The following MAGI2 variants were observed in gnomAD, a reference collection of about 807,000 sequenced individuals.
MAGI2 encodes the protein membrane-associated guanylate kinase, WW and PDZ domain-containing protein 2.
In MAGI2, 35 loss-of-function variants were observed where a neutral mutation model predicts 133.3. The observed-to-expected ratio is 0.26, with a 90% CI of 0.20 to 0.35. The LOEUF (loss-of-function observed/expected upper bound fraction) is 0.35. MAGI2 is among the 10% of genes least tolerant of loss of function. The pLI is 1.00. For synonymous variants in MAGI2, 729 were observed against 710.6 expected (o/e 1.03, Z -0.41); for missense variants, 1,636 against 1,863.4 (o/e 0.88, Z 2.25).
At chr7:78,076,541 T>C (rs1398192326) in intron 21 of MAGI2, among the ~76,000 whole-genome samples, 1 of 147,646 alleles carries the variant, frequency 6.8e-6, no homozygotes. Flanking sequence ...TCTTTTTAGG[T>C]GATGTTAAGA....
At chr7:78,275,982 G>T (rs968234526) in intron 9 of MAGI2, among the ~76,000 whole-genome samples, 1 of 152,172 alleles carries the variant, frequency 6.6e-6, no homozygotes, top group Non-Finnish European at 1.5e-5. Context: ...ATCAATGACT[G>T]TTGAGGCCAT....
chr7:79,167,884 G>T (rs867127941), intron 1 of MAGI2, among the ~76,000 whole-genome samples: 6 of 152,246 alleles, frequency 3.9e-5, no homozygotes, highest in Middle Eastern at 6.8e-3. Context: ...ATGCTGGAAG[G>T]TTGTGGGTTT....
At chr7:79,337,892 C>T (rs1840559410) in intron 1 of MAGI2, among the ~76,000 whole-genome samples, 1 of 152,024 alleles carries the variant, frequency 6.6e-6, no homozygotes, top group Admixed American at 6.6e-5. Flanking sequence ...TCCGTGTATG[C>T]TTGCTTCAGC....
intron 7 of MAGI2, among the ~76,000 whole-genome samples, chr7:78,361,008 C>T (rs1792724204): frequency 1.3e-5 from 2 of 152,242 alleles, no homozygotes; most frequent in East Asian, 1.9e-4. Flanking sequence ...GGAAGTTTCC[C>T]TGCTTCTGTA....
At chr7:78,091,016 TTTTAACA>T (rs758826193) in intron 20 of MAGI2, among the ~76,000 whole-genome samples, 17 of 151,874 alleles carry the variant, frequency 1.1e-4, no homozygotes, top group Non-Finnish European at 1.8e-4. Context: ...CTTTTGTAGC[TTTTAACA>T]TCGTAGTGAC....
chr7:79,005,882 TTAAC>T (rs1172768521), intron 2 of MAGI2, among the ~76,000 whole-genome samples: 9 of 152,164 alleles, frequency 5.9e-5, no homozygotes, highest in African/African-American at 2.2e-4. Flanking sequence ...GCCTATTCAC[TTAAC>T]TAACACACAC....
At chr7:78,449,735 G>A (rs1386058060) in intron 6 of MAGI2, among the ~76,000 whole-genome samples, 2 of 151,994 alleles carry the variant, frequency 1.3e-5, no homozygotes, top group Admixed American at 1.3e-4. Flanking sequence ...TTACAATGAG[G>A]GGGCTCATTT....
intron 21 of MAGI2, among the ~76,000 whole-genome samples, chr7:78,033,019 C>T (rs967466734): frequency 1.2e-4 from 19 of 152,018 alleles, no homozygotes; most frequent in Non-Finnish European, 2.2e-4. Context: ...TTTTAAAAGG[C>T]CAAACACGGC....
chr7:78,151,711 C>T (rs1178916515), intron 16 of MAGI2, among the ~76,000 whole-genome samples: 3 of 152,216 alleles, frequency 2.0e-5, no homozygotes, highest in Non-Finnish European at 4.4e-5. Context: ...GCTTTATTAT[C>T]GTGTGATTTC....
At chr7:78,117,343 G>T (rs1180041337) in intron 20 of MAGI2, among the ~76,000 whole-genome samples, 1 of 151,666 alleles carries the variant, frequency 6.6e-6, no homozygotes, top group Non-Finnish European at 1.5e-5. Context: ...AATAAATAGG[G>T]CTCATCCCAG....
chr7:78,380,567 A>G (rs2151290496), intron 6 of MAGI2, among the ~76,000 whole-genome samples: 1 of 152,258 alleles, frequency 6.6e-6, no homozygotes, highest in East Asian at 1.9e-4. Context: ...TCATGAATAT[A>G]TAGAGTAGAA....
chr7:78,529,668 G>GTTTTTTTTTTTTTTTTTTTTTTTTTTT lies in MAGI2; in HGVS notation c.539-8050_539-8024dup, dbSNP rs554010061. On this transcript the variant is annotated intron_variant, in intron 3 of 21. Transcript: ENST00000354212. Reference sequence around the variant, plus strand: ...TTTCTTTTCCTTGCTAAAGGAGATGGTTTTTTTTTTTTTTTTTTTTTTTTT... The same window carrying GTTTTTTTTTTTTTTTTTTTTTTTTTTT: ...TTTCTTTTCCTTGCTAAAGGAGATGGTTTTTTTTTTTTTTTTTTTTTTTTTTTTTTTTTTTTTTTTTTTTTTTTTTTT... Among the ~76,000 whole-genome samples the GTTTTTTTTTTTTTTTTTTTTTTTTTTT allele has an allele frequency of 4.9e-4, 28 of 57,420 alleles. 6 individuals carry two copies. The highest frequency in any genetic ancestry group is 5.6e-4 in the Non-Finnish European group (16 of 28,726). The allele number at this position is 57,420 out of a possible 152,430, so 37.7% of individuals were successfully genotyped here. A position where few individuals can be genotyped will look rare whatever the true frequency, so the allele number is the denominator to read the frequency against.
chr7:78,176,735 C>A (rs1351963098), intron 14 of MAGI2, among the ~76,000 whole-genome samples: 2 of 152,106 alleles, frequency 1.3e-5, no homozygotes, highest in East Asian at 1.9e-4. Context: ...GTAGTCCCAG[C>A]TACTCAGGAG....
chr7:79,450,027 T>C (rs991857), intron 1 of MAGI2, among the ~76,000 whole-genome samples: 28,416 of 151,096 alleles, frequency 0.19, 2,857 homozygotes, highest in East Asian at 0.29. Flanking sequence ...AATGCAATTT[T>C]ACCTGGTGCA....
At chr7:78,088,786 T>C (rs750032219) in intron 20 of MAGI2, among the ~76,000 whole-genome samples, 5 of 152,210 alleles carry the variant, frequency 3.3e-5, no homozygotes, top group Non-Finnish European at 7.3e-5. Flanking sequence ...CATCCCCAGA[T>C]GTCCACCTCC....
chr7:78,184,958 G>A (rs748996767), intron 13 of MAGI2, among the ~76,000 whole-genome samples: 104 of 152,170 alleles, frequency 6.8e-4, no homozygotes, highest in Non-Finnish European at 1.3e-3. Flanking sequence ...TTTCTAATCC[G>A]TTCTTTGGAA....
At chr7:78,682,462 G>C (rs188169008) in intron 2 of MAGI2, among the ~76,000 whole-genome samples, 187 of 152,208 alleles carry the variant, frequency 1.2e-3, no homozygotes, top group African/African-American at 4.3e-3. Flanking sequence ...TTATGAGTGA[G>C]AACATGCGGT....
At chr7:79,218,796 T>C (rs1830224177) in intron 1 of MAGI2, among the ~76,000 whole-genome samples, 1 of 152,152 alleles carries the variant, frequency 6.6e-6, no homozygotes. Flanking sequence ...AATAAACTGA[T>C]AAGATTGGCA....
intron 2 of MAGI2, among the ~76,000 whole-genome samples, chr7:78,801,779 C>G (rs37876): frequency 0.35 from 53,036 of 151,888 alleles, 9,557 homozygotes; most frequent in East Asian, 0.52. Context: ...GCTCTGAGAT[C>G]AGCAGCTATT....
Sources: gnomAD v4.1 joint callset for allele counts (sites outside exome capture counted in the v4.1 genomes callset) on GRCh38, gnomAD v4.1.1 for gene constraint, MANE v1.5 for transcripts, NCBI Gene and HGNC (gene_info 2026-07-23, HGNC 2026-07-21) for gene names.